CAPS2: variants seen among roughly 807,000 people sequenced by gnomAD.
The protein encoded by CAPS2 is calcyphosin-2.
Under a neutral mutation model 86.5 loss-of-function variants are expected in CAPS2, and 98 were observed. The ratio of observed to expected loss-of-function variants is 1.13; its 90% CI spans 0.96 to 1.34. The LOEUF is 1.34. CAPS2 is among the 40% of genes most tolerant of loss of function. The pLI, the probability that CAPS2 is intolerant of heterozygous loss-of-function variation, is 0.00. For missense variants in CAPS2, 729 were observed against 686.8 expected, an observed-to-expected ratio of 1.06 and a Z score of -0.69; for synonymous variants, 210 against 225.1, an observed-to-expected ratio of 0.93 and a Z score of 0.60.
At chr12:75,313,311 T>C (rs546139831) in intron 6 of CAPS2, among the ~76,000 whole-genome samples, 1 of 152,118 alleles carries the variant, frequency 6.6e-6, no homozygotes, top group African/African-American at 2.4e-5. Flanking sequence ...TGACACAAAA[T>C]AAGCTTCGTC....
At chr12:75,296,770 A>G (rs2036967899) in intron 11 of CAPS2, among the ~76,000 whole-genome samples, 1 of 152,214 alleles carries the variant, frequency 6.6e-6, no homozygotes, top group Non-Finnish European at 1.5e-5. Context: ...CCACCACCAA[A>G]AAAAAAGAGG....
At chr12:75,304,266 T>A (rs534519723) in intron 8 of CAPS2, among the ~76,000 whole-genome samples, 2 of 152,222 alleles carry the variant, frequency 1.3e-5, no homozygotes, top group Non-Finnish European at 2.9e-5. Flanking sequence ...CTGGTAGATT[T>A]TTTTATGTCT....
rs371796952 is a variant in CAPS2 at position 75,298,666 on chromosome 12, G to GCA, written c.1044+19_1044+20dup. 1.7e-4 allele frequency: 274 copies of GCA among 1,571,212 alleles called. 1 individual carries two copies. In the African/African-American group the frequency reaches 2.3e-3, roughly 13 times the overall value. On this transcript the variant is annotated intron_variant, in intron 11 of 16. Transcript: ENST00000393284. ...ATCCACCATCTGGTATTAAATGTGTGCACACACACACACCACTTACAACAT... is the reference window on the plus strand; with the variant it reads ...ATCCACCATCTGGTATTAAATGTGTGCACACACACACACACCACTTACAACAT...
chr12:75,277,458 A>G, exon 17 of CAPS2: 2 of 924,992 alleles, frequency 2.2e-6, no homozygotes, highest in Non-Finnish European at 2.6e-6. Context: ...ATAGTGTTAT[A>G]GACTTATTTC....
chr12:75,365,222 C>T (rs903733072), intron 1 of CAPS2: 7 of 152,136 alleles, frequency 4.6e-5, no homozygotes, highest in South Asian at 2.1e-4. Flanking sequence ...TAGGTTTTGT[C>T]AAATCATCTG....
At chr12:75,289,357 T>C (rs2035451915) in intron 14 of CAPS2, among the ~76,000 whole-genome samples, 1 of 152,224 alleles carries the variant, frequency 6.6e-6, no homozygotes, top group Admixed American at 6.5e-5. Flanking sequence ...ATGTTCATTG[T>C]CCTTCAATTA....
chr12:75,345,280 A>G (rs752895643), intron 1 of CAPS2, among the ~76,000 whole-genome samples: 3 of 152,010 alleles, frequency 2.0e-5, no homozygotes, highest in African/African-American at 7.2e-5. Context: ...TTTTTCTGCA[A>G]ATCTCAGGGG....
rs776251064 is a variant in CAPS2 at position 75,293,394 on chromosome 12, C to T, written c.1045-27G>A. 4.3e-6 allele frequency: 6 copies of T among 1,381,270 alleles called. No homozygotes were observed. The East Asian group carries it at 1.2e-4, about 27-fold the overall frequency. The allele number at this position is 1,381,270 out of a possible 1,614,324, so 85.6% of individuals were successfully genotyped here. A position where few individuals can be genotyped will look rare whatever the true frequency, so the allele number is the denominator to read the frequency against. On this transcript the variant is annotated intron_variant, in intron 11 of 16. Coordinates refer to ENST00000393284, the Ensembl canonical transcript of CAPS2. ...TAAACAAAAGAACAGATGAATGAAG[C>T]TAGAAAGCATGTAAGAAATAAAATA...
At chr12:75,311,901 G>A (rs2138811649) in intron 7 of CAPS2, among the ~76,000 whole-genome samples, 1 of 152,110 alleles carries the variant, frequency 6.6e-6, no homozygotes, top group South Asian at 2.1e-4. Flanking sequence ...CTAAGTTCAT[G>A]AGACAATGGA....
At chr12:75,316,424 T>C (rs1413551501) in exon 6 of CAPS2, 2 of 1,548,330 alleles carry the variant, frequency 1.3e-6, no homozygotes, top group East Asian at 4.9e-5. Flanking sequence ...GGCTTCTTCA[T>C]CTTGCACACA....
chr12:75,357,004 G>C (rs992717539), intron 1 of CAPS2, among the ~76,000 whole-genome samples: 16 of 152,070 alleles, frequency 1.1e-4, no homozygotes, highest in African/African-American at 3.4e-4. Flanking sequence ...CCTAGCAACA[G>C]AGTGAGACTG....
intron 7 of CAPS2, chr12:75,305,577 T>C: frequency 1.6e-6 from 1 of 630,506 alleles, no homozygotes. Context: ...CGCAGAGCCC[T>C]CCTCCAGACC....
intron 1 of CAPS2, among the ~76,000 whole-genome samples, chr12:75,374,115 C>T (rs1263938191): frequency 6.6e-6 from 1 of 152,170 alleles, no homozygotes; most frequent in Non-Finnish European, 1.5e-5. Context: ...TGTGATTCAC[C>T]TATGGGAGCC....
intron 4 of CAPS2, among the ~76,000 whole-genome samples, chr12:75,322,521 G>A (rs2040400088): frequency 1.3e-5 from 2 of 152,074 alleles, no homozygotes; most frequent in African/African-American, 4.8e-5. Context: ...AACAAAAACA[G>A]AAAAGCCCTA....
At chr12:75,284,306 C>T (rs1217734061) in intron 15 of CAPS2, among the ~76,000 whole-genome samples, 1 of 152,076 alleles carries the variant, frequency 6.6e-6, no homozygotes, top group Middle Eastern at 3.2e-3. Flanking sequence ...TATAGAATAG[C>T]TTTGTTTCAA....
At chr12:75,368,382 T>C (rs2044131331) in intron 1 of CAPS2, among the ~76,000 whole-genome samples, 1 of 151,914 alleles carries the variant, frequency 6.6e-6, no homozygotes, top group African/African-American at 2.4e-5. Flanking sequence ...CTGCATCTCT[T>C]GAACTAATGC....
intron 5 of CAPS2, among the ~76,000 whole-genome samples, chr12:75,321,079 T>A (rs1593519094): frequency 6.6e-6 from 1 of 152,044 alleles, no homozygotes; most frequent in Non-Finnish European, 1.5e-5. Context: ...TCAAGACAGC[T>A]ACGTCAACAA....
chr12:75,338,076 T>C (rs1308813870), intron 1 of CAPS2, among the ~76,000 whole-genome samples: 2 of 152,100 alleles, frequency 1.3e-5, no homozygotes, highest in African/African-American at 4.8e-5. Context: ...CAAATCTCTT[T>C]GTGAAACTGA....
At chr12:75,321,659 C>T in intron 4 of CAPS2, 83 bp from the exon 5 acceptor site, 1 of 938,552 alleles carries the variant, frequency 1.1e-6, no homozygotes, top group South Asian at 1.5e-5. Context: ...TTACCTCTTA[C>T]CTTAGCATCC....
Sources: gnomAD v4.1 joint callset for allele counts (sites outside exome capture counted in the v4.1 genomes callset) on GRCh38, gnomAD v4.1.1 for gene constraint, MANE v1.5 for transcripts, NCBI Gene and HGNC (gene_info 2026-07-23, HGNC 2026-07-21) for gene names.